GAK: variants seen among roughly 807,000 people sequenced by gnomAD.
The protein encoded by GAK is cyclin-G-associated kinase.
GAK carries 79 observed loss-of-function variants against 143.9 expected under a neutral mutation model. That is an observed-to-expected ratio of 0.55 (90% confidence interval 0.46 to 0.66). The LOEUF (loss-of-function observed/expected upper bound fraction) is 0.66. Among genes scored for constraint, GAK ranks in the 30% least tolerant of loss-of-function variants. The pLI, the probability that GAK is intolerant of heterozygous loss-of-function variation, is 0.00. For missense variants in GAK, 1,693 were observed against 1,779.7 expected (o/e 0.95, Z 0.88); for synonymous variants, 881 against 765.5 (o/e 1.15, Z -2.49).
Position 867,428 on chromosome 4 carries a change from C to T in GAK, c.2400G>A (p.Glu800=), listed in dbSNP as rs756619596. The change falls in exon 21 of 28, where the codon GAG becomes GAA. Residue 800 remains glutamate (E), a synonymous_variant. Coordinates refer to ENST00000314167, the MANE Select transcript of GAK (RefSeq NM_005255.4). ...RFLHTLDWQE[E]KEAETGAENA... is the part of the protein sequence containing the mutation. ...TTTCTGCACCAGTCTCTGCCTCCTTCTCTTCTGCGAAAAGGAAACAAAACC... is the reference window on the plus strand; with the variant it reads ...TTTCTGCACCAGTCTCTGCCTCCTTTTCTTCTGCGAAAAGGAAACAAAACC... 1 of 1,518,834 alleles carries T rather than the reference C, an allele frequency of 6.6e-7. No homozygotes were observed. The highest frequency in any genetic ancestry group is 8.9e-7 in the Non-Finnish European group (1 of 1,129,924). 94.1% of individuals were successfully genotyped at this position (1,518,834 alleles called of 1,614,324 possible).
At chr4:849,825 C>CGGGGCCGG in intron 27 of GAK, 51 bp from the exon 28 acceptor site, 2 of 1,229,760 alleles carry the variant, frequency 1.6e-6, no homozygotes, top group East Asian at 2.7e-5. Flanking sequence ...CGGGGGCGGG[C>CGGGGCCGG]GGGGCAGGAC....
At chr4:862,427 G>A (rs1340472611) in intron 23 of GAK, among the ~76,000 whole-genome samples, 1 of 152,240 alleles carries the variant, frequency 6.6e-6, no homozygotes, top group Non-Finnish European at 1.5e-5. Flanking sequence ...TTGGGAGGCT[G>A]AGGCGGGCGG....
At chr4:927,974 C>G (rs183817159) in intron 1 of GAK, among the ~76,000 whole-genome samples, 48 of 152,320 alleles carry the variant, frequency 3.2e-4, no homozygotes, top group Middle Eastern at 6.8e-3. Flanking sequence ...GAGAACAGCA[C>G]GGAGCTTCAG....
intron 15 of GAK, 109 bp from the exon 16 acceptor site, chr4:877,918 C>T (rs1714306104): frequency 4.1e-6 from 4 of 972,994 alleles, no homozygotes; most frequent in African/African-American, 1.7e-5. Flanking sequence ...TCCCTTGTAG[C>T]AATGTTTTAG....
At chr4:854,862 G>T (rs192107728) in intron 24 of GAK, among the ~76,000 whole-genome samples, 2 of 152,152 alleles carry the variant, frequency 1.3e-5, no homozygotes, top group African/African-American at 2.4e-5. Flanking sequence ...TGACTAACAC[G>T]GTGAAACCCC....
At chr4:913,341 G>C (rs1340443810) in intron 2 of GAK, among the ~76,000 whole-genome samples, 1 of 152,180 alleles carries the variant, frequency 6.6e-6, no homozygotes, top group Non-Finnish European at 1.5e-5. Context: ...AGGCCAAGAG[G>C]GCATGACCCC....
intron 3 of GAK, chr4:912,018 G>A (rs974550283): frequency 9.9e-6 from 5 of 503,000 alleles, no homozygotes; most frequent in East Asian, 4.9e-5. Context: ...CAGGCACACC[G>A]GCCACACACA....
chr4:851,635 G>A, intron 25 of GAK, 115 bp downstream of exon 25: 2 of 1,107,602 alleles, frequency 1.8e-6, no homozygotes, highest in African/African-American at 1.5e-5. Flanking sequence ...GAGTGGCTTG[G>A]CCGTGCCTGT....
intron 22 of GAK, 134 bp downstream of exon 22, chr4:866,230 G>C: frequency 1.2e-6 from 1 of 857,200 alleles, no homozygotes. Context: ...TGCTTGGGCC[G>C]CAAGGAGCGC....
At chr4:904,030 A>G (rs1577249347) in intron 5 of GAK, among the ~76,000 whole-genome samples, 1 of 152,398 alleles carries the variant, frequency 6.6e-6, no homozygotes, top group South Asian at 2.1e-4. Flanking sequence ...CACATCTTCT[A>G]GGTGAGATGG....
rs1715207217 is a variant in GAK, at chr4:881,951, G to A, written c.1617C>T (p.Phe539=). 6.3e-7 allele frequency: 1 copy of A among 1,599,398 alleles called. No individual in the cohort carries two copies. Residue 539 remains phenylalanine, a synonymous_variant, in exon 15 of 28, where the codon TTC becomes TTT. Transcript: ENST00000314167. The part of the protein sequence containing the change: ...FSTAEAAVYM[F]SMKRCPPGIW... Reference sequence around the variant, plus strand: ...TGCCTGGTGGGCAGCGCTTCATGCTGAACATGTACACGGCGGCCTCCGCGG... The same window carrying A: ...TGCCTGGTGGGCAGCGCTTCATGCTAAACATGTACACGGCGGCCTCCGCGG...
chr4:879,341 T>A, intron 15 of GAK, among the ~76,000 whole-genome samples: 1 of 152,266 alleles, frequency 6.6e-6, no homozygotes, highest in Non-Finnish European at 1.5e-5. Context: ...GCCTGAACAC[T>A]GATGTGGCTG....
chr4:867,415 T>A lies in GAK; in HGVS notation c.2413A>T (p.Thr805Ser). The A allele has an allele frequency of 6.5e-7, 1 of 1,530,258 alleles. No homozygotes were observed. Among genetic ancestry groups the A allele is most frequent in the South Asian group, 1.3e-5 (1 of 78,374 alleles). The allele number at this position is 1,530,258 out of a possible 1,614,324, so 94.8% of individuals were successfully genotyped here. A position where few individuals can be genotyped will look rare whatever the true frequency, so the allele number is the denominator to read the frequency against. ...LDWQEEKEAE[T>S]GAENASSKES... ...TTGGAAGAGGCATTTTCTGCACCAG[T>A]CTCTGCCTCCTTCTCTTCTGCGAAA... The change falls in exon 21 of 28, where the codon ACT becomes TCT. Residue 805 changes from threonine (T) to serine (S), a missense_variant. Transcript: ENST00000314167.
chr4:867,142 C>G lies in GAK; in HGVS notation c.2686G>C (p.Val896Leu). ...GGGGCCTTGCAGGCCTGCGGGGGTA[C>G]AGCTGGCCCTGCGCCCACCTCGGAG... ...LHSEVGAGPA[V>L]PPQACKAPSS... The change falls in exon 21 of 28, where the codon GTA (valine) becomes CTA (leucine). Residue 896 changes from valine to leucine, a missense_variant. By Grantham distance (32) the Val-to-Leu change is conservative. This residue lies in a region of GAK where 822 missense variants were observed against 788.7 expected (regional missense o/e 1.04). Coordinates refer to ENST00000314167, the MANE Select transcript of GAK (RefSeq NM_005255.4). 6.3e-7 allele frequency: 1 copy of G among 1,591,686 alleles called. No homozygotes were observed. Among genetic ancestry groups the G allele is most frequent in the Non-Finnish European group, 8.6e-7 (1 of 1,165,828 alleles).
intron 5 of GAK, among the ~76,000 whole-genome samples, chr4:903,604 GA>G: frequency 6.6e-6 from 1 of 150,424 alleles, no homozygotes; most frequent in African/African-American, 2.5e-5. Context: ...AGGAGCGTGG[GA>G]TGAGCAGGAA....
intron 3 of GAK, chr4:912,239 G>T: frequency 2.3e-6 from 1 of 442,624 alleles, no homozygotes; most frequent in Non-Finnish European, 4.6e-6. Flanking sequence ...GCTCAGGAGG[G>T]ACATGTGGCA....
chr4:851,989 A>G lies in GAK; in HGVS notation c.3284-15T>C. The G allele has an allele frequency of 1.2e-6, 2 of 1,606,436 alleles. No individual in the cohort carries two copies. Among genetic ancestry groups the G allele is most frequent in the Non-Finnish European group, 1.7e-6 (2 of 1,174,674 alleles). On this transcript the variant is annotated splice_polypyrimidine_tract_variant and intron_variant, in intron 24 of 27. Coordinates refer to ENST00000314167, the MANE Select transcript of GAK (RefSeq NM_005255.4). The stretch of plus-strand genomic sequence containing the variant: ...AGCTGGTGAGCCTGTGGAGATGGAG[A>G]TCGGAAACTCGGCATCTGGTTGTCC...
At chr4:884,414 G>A (rs1275217929) in intron 11 of GAK, 2 of 304,962 alleles carry the variant, frequency 6.6e-6, no homozygotes, top group Non-Finnish European at 1.2e-5. Flanking sequence ...GCTGGGAGAG[G>A]GATGGCAACA....
intron 11 of GAK, among the ~76,000 whole-genome samples, chr4:884,904 G>A (rs578070740): frequency 2.0e-5 from 3 of 152,334 alleles, no homozygotes; most frequent in Admixed American, 6.5e-5. Flanking sequence ...AAGGTCCAGA[G>A]AGATGAATGA....
Sources: gnomAD v4.1 joint callset for allele counts (sites outside exome capture counted in the v4.1 genomes callset) on GRCh38, gnomAD v4.1.1 for gene constraint, gnomAD v4.1.1 regional missense constraint, MANE v1.5 for transcripts, NCBI Gene and HGNC (gene_info 2026-07-23, HGNC 2026-07-21) for gene names.